The following NEXMIF variants were observed in gnomAD, a reference collection of about 807,000 sequenced individuals.
NEXMIF encodes XLMR protein related to neurite extension.
NEXMIF carries 8 observed loss-of-function variants against 62.1 expected under a neutral mutation model. The ratio of observed to expected loss-of-function variants is 0.13; its 90% confidence interval spans 0.08 to 0.23. The LOEUF (loss-of-function observed/expected upper bound fraction) is 0.23, where lower values mean the gene tolerates loss of function less well. NEXMIF is among the 10% of genes least tolerant of loss of function. NEXMIF has a pLI of 1.00. For synonymous variants in NEXMIF, 404 were observed against 416.6 expected, an observed-to-expected ratio of 0.97 and a Z score of 0.37; for missense variants, 976 against 1,113.3, an observed-to-expected ratio of 0.88 and a Z score of 1.75.
intron 1 of NEXMIF, among the ~76,000 whole-genome samples, chrX:74,885,085 T>C (rs1160729103): frequency 9.1e-6 from 1 of 110,123 alleles, no homozygotes; most frequent in Middle Eastern, 4.2e-3. Flanking sequence ...ATAAAGATGT[T>C]CTTTGAAACC....
chrX:74,865,667 G>A (rs1306629877), intron 1 of NEXMIF, among the ~76,000 whole-genome samples: 3 of 111,997 alleles, frequency 2.7e-5, no homozygotes, highest in African/African-American at 9.7e-5. Flanking sequence ...TGGTTTCTTA[G>A]GTCAGGTCCA....
At chrX:74,749,332 G>T (rs891080169) in intron 1 of NEXMIF, among the ~76,000 whole-genome samples, 2 of 110,641 alleles carry the variant, frequency 1.8e-5, no homozygotes, top group Non-Finnish European at 3.8e-5. Flanking sequence ...AATGCTACAA[G>T]TCTCCCTCCC....
intron 1 of NEXMIF, among the ~76,000 whole-genome samples, chrX:74,873,347 T>C (rs1180345330): frequency 8.9e-6 from 1 of 112,277 alleles, no homozygotes; most frequent in Non-Finnish European, 1.9e-5. Context: ...TGCATAGTAT[T>C]CCATGGTGTA....
chrX:74,736,920 T>C lies in NEXMIF; in HGVS notation c.*2485A>G, dbSNP rs1169958746. ...CTCCATAGGAGCAACTGAAAGAATA[T>C]CCATTCCAAAGGACTTATGATAGCA... On this transcript the variant is annotated 3_prime_UTR_variant, in exon 4 of 4. Coordinates refer to ENST00000055682, the MANE Select transcript of NEXMIF (RefSeq NM_001008537.3). The C allele has an allele frequency of 1.8e-5, 2 of 111,619 alleles. No homozygotes were observed. The highest frequency in any genetic ancestry group is 3.8e-5 in the Non-Finnish European group (2 of 53,047). 9.2% of individuals were successfully genotyped at this position (111,619 alleles called of 1,213,427 possible).
intron 1 of NEXMIF, among the ~76,000 whole-genome samples, chrX:74,780,453 T>TG (rs1418964564): frequency 2.8e-5 from 3 of 108,989 alleles, no homozygotes; most frequent in African/African-American, 1.0e-4. Context: ...TATGGCTCAC[T>TG]GGGCTTTACC....
intron 1 of NEXMIF, among the ~76,000 whole-genome samples, chrX:74,792,085 C>G (rs1299346563): frequency 9.1e-6 from 1 of 109,549 alleles, no homozygotes; most frequent in African/African-American, 3.3e-5. Flanking sequence ...AATTTTGGAT[C>G]TTTCCTGCTT....
chrX:74,792,149 C>A (rs1353596481), intron 1 of NEXMIF, among the ~76,000 whole-genome samples: 1 of 110,146 alleles, frequency 9.1e-6, no homozygotes, highest in African/African-American at 3.3e-5. Flanking sequence ...GCTTTGAATG[C>A]GTCCCAGAGA....
chrX:74,798,088 A>G (rs955174837), intron 1 of NEXMIF, among the ~76,000 whole-genome samples: 2 of 112,148 alleles, frequency 1.8e-5, no homozygotes, highest in African/African-American at 6.5e-5. Context: ...GCAAGGACAC[A>G]TTGCCAGTAA....
rs755907694 is a variant in NEXMIF at position 74,749,757 on chromosome X, T to C, written c.-47-4060A>G. 7.2e-5 allele frequency among the ~76,000 whole-genome samples: 8 copies of C among 111,558 alleles called. No homozygotes were observed. The South Asian group carries it at 3.0e-3, about 42-fold the overall frequency. The stretch of plus-strand genomic sequence containing the variant: ...TCTCAAAGAATTTTTATCTCCTCTG[T>C]GTTTATCATCTTATACAAGCTTTAC... On this transcript the variant is annotated intron_variant, in intron 1 of 3. Coordinates refer to ENST00000055682, the MANE Select transcript of NEXMIF (RefSeq NM_001008537.3).
chrX:74,902,383 A>T (rs1423537330), intron 1 of NEXMIF, among the ~76,000 whole-genome samples: 2 of 109,821 alleles, frequency 1.8e-5, no homozygotes, highest in Non-Finnish European at 3.8e-5. Context: ...TATATATATT[A>T]CAGTTTTATG....
intron 1 of NEXMIF, among the ~76,000 whole-genome samples, chrX:74,887,226 G>A (rs2080698420): frequency 9.0e-6 from 1 of 111,643 alleles, no homozygotes; most frequent in African/African-American, 3.3e-5. Flanking sequence ...TTACCATTCA[G>A]GACATAGGCA....
intron 1 of NEXMIF, among the ~76,000 whole-genome samples, chrX:74,830,761 C>T (rs2080433485): frequency 2.7e-5 from 3 of 110,879 alleles, no homozygotes; most frequent in Admixed American, 1.9e-4. Flanking sequence ...TTGTAGAGAT[C>T]TTTCACTTCT....
intron 1 of NEXMIF, among the ~76,000 whole-genome samples, chrX:74,785,955 T>C (rs1187812260): frequency 8.9e-6 from 1 of 112,824 alleles, no homozygotes; most frequent in Admixed American, 9.4e-5. Context: ...TCTGCTTTCA[T>C]GAAATTTGGT....
chrX:74,780,444 A>G (rs2080242963), intron 1 of NEXMIF, among the ~76,000 whole-genome samples: 1 of 107,358 alleles, frequency 9.3e-6, no homozygotes, highest in African/African-American at 3.4e-5. Flanking sequence ...TGGCATGAAT[A>G]TGGCTCACTG....
intron 1 of NEXMIF, among the ~76,000 whole-genome samples, chrX:74,922,073 G>A (rs1337179658): frequency 1.8e-5 from 2 of 111,399 alleles, no homozygotes; most frequent in East Asian, 2.8e-4. Context: ...ATGGTGGTCC[G>A]TGAGACGAGG....
intron 1 of NEXMIF, among the ~76,000 whole-genome samples, chrX:74,873,690 G>C (rs935803968): frequency 4.5e-5 from 5 of 111,969 alleles, no homozygotes; most frequent in African/African-American, 1.6e-4. Flanking sequence ...ATTCTAACTG[G>C]TGTGAGATGG....
At position 74,742,493 on chromosome X, in the gene NEXMIF, T is replaced by C. The variant is rs1259621795; in HGVS notation, c.2064A>G (p.Gly688=). ...APLGAPSCAN[G]SHLNDITGPD... is the part of the protein sequence containing the mutation. ...GGCCTGTGATGTCATTTAAATGTGA[T>C]CCATTTGCACAGCTAGGAGCACCCA... The change falls in exon 3 of 4, where the codon GGA becomes GGG. Residue 688 remains glycine (G), a synonymous_variant. Transcript: ENST00000055682. 4 of 1,210,265 alleles carry C rather than the reference T, an allele frequency of 3.3e-6. No individual in the cohort carries two copies. The highest frequency in any genetic ancestry group is 3.4e-6 in the Non-Finnish European group (3 of 895,197).
chrX:74,764,068 C>A (rs4892526), intron 1 of NEXMIF, among the ~76,000 whole-genome samples: 15,566 of 110,754 alleles, frequency 0.14, 1,702 homozygotes, highest in East Asian at 0.91. Context: ...GAATGCTTCC[C>A]GTTTTTGCCC....
chrX:74,799,519 C>T (rs1166550504), intron 1 of NEXMIF, among the ~76,000 whole-genome samples: 1 of 112,535 alleles, frequency 8.9e-6, no homozygotes, highest in African/African-American at 3.2e-5. Context: ...ATTTACCACA[C>T]TGGTCAGCAG....
Sources: gnomAD v4.1 joint callset for allele counts (sites outside exome capture counted in the v4.1 genomes callset) on GRCh38, gnomAD v4.1.1 for gene constraint, MANE v1.5 for transcripts, NCBI Gene and HGNC (gene_info 2026-07-23, HGNC 2026-07-21) for gene names.